The following ANKRD24 variants were observed in gnomAD, a reference collection of about 807,000 sequenced individuals.
ANKRD24 encodes the protein ankyrin repeat domain-containing protein 24.
Under a neutral mutation model 127.8 loss-of-function variants are expected in ANKRD24, and 109 were observed. That is an observed-to-expected ratio of 0.85 (90% CI 0.73 to 1.00). The LOEUF (loss-of-function observed/expected upper bound fraction) is 1.00, where lower values mean the gene tolerates loss of function less well. ANKRD24 is among the 50% of genes least tolerant of loss of function. ANKRD24 has a pLI of 0.00. For synonymous variants in ANKRD24, 743 were observed against 671.1 expected, an observed-to-expected ratio of 1.11 and a Z score of -1.66; for missense variants, 1,648 against 1,570.2, an observed-to-expected ratio of 1.05 and a Z score of -0.84.
At position 4,210,291 on chromosome 19, in the gene ANKRD24, C is replaced by T. The variant is rs562431617; in HGVS notation, c.978C>T (p.Ile326=). ...ATGATCGAGATGCCTATGAGGAGAT[C>T]GTGAGGCTGCGGCAGGAGAGGGGCC... ...MPDDRDAYEE[I]VRLRQERGRL... is the part of the protein sequence containing the mutation. The change falls in exon 13 of 22, where the codon ATC becomes ATT. Residue 326 remains isoleucine, a synonymous_variant. Transcript: ENST00000318934. The T allele has an allele frequency of 5.2e-5, 83 of 1,588,030 alleles. No homozygotes were observed. In the African/African-American group the frequency reaches 6.6e-4, roughly 13 times the overall value.
At chr19:4,210,567 T>G (rs1969666420) in intron 13 of ANKRD24, among the ~76,000 whole-genome samples, 195 bp downstream of exon 13, 1 of 108,370 alleles carries the variant, frequency 9.2e-6, no homozygotes, top group Non-Finnish European at 2.1e-5. Context: ...GCACCACCAG[T>G]GTCCTCTGCC....
chr19:4,196,974 C>T (rs1968781288), intron 2 of ANKRD24, among the ~76,000 whole-genome samples: 1 of 152,140 alleles, frequency 6.6e-6, no homozygotes, highest in African/African-American at 2.4e-5. Context: ...AGAGCTGCGC[C>T]GGGACCAGCT....
chr19:4,216,819 A>G lies in ANKRD24; in HGVS notation c.1659A>G (p.Glu553=). 2.5e-6 allele frequency: 4 copies of G among 1,607,260 alleles called. No individual in the cohort carries two copies. Among genetic ancestry groups the G allele is most frequent in the Non-Finnish European group, 3.4e-6 (4 of 1,177,162 alleles). ...AGCTAAATGGCTCAGTGGCTCCAGAAACCAAAGTTAACGGAGCCGAGACCA... is the reference window on the plus strand; with the variant it reads ...AGCTAAATGGCTCAGTGGCTCCAGAGACCAAAGTTAACGGAGCCGAGACCA... The part of the protein sequence containing the change: ...HMELNGSVAP[E]TKVNGAETID... Residue 553 remains glutamate, a synonymous_variant, in exon 18 of 22, where the codon GAA becomes GAG. Transcript: ENST00000318934.
chr19:4,223,279 G>C (rs1970541765), intron 20 of ANKRD24, among the ~76,000 whole-genome samples: 1 of 150,798 alleles, frequency 6.6e-6, no homozygotes, highest in African/African-American at 2.5e-5. Context: ...TATTAGGCTG[G>C]AGTGCAGTGG....
At chr19:4,185,385 G>A (rs190536145) in intron 1 of ANKRD24, among the ~76,000 whole-genome samples, 108 of 152,172 alleles carry the variant, frequency 7.1e-4, no homozygotes, top group East Asian at 7.7e-4. Context: ...TGGTAAATGC[G>A]TGGAAGGGTG....
intron 2 of ANKRD24, among the ~76,000 whole-genome samples, chr19:4,197,846 TAAAC>T (rs1372833440): frequency 2.6e-5 from 4 of 151,996 alleles, no homozygotes; most frequent in East Asian, 1.9e-4. Context: ...GGTGAGCGAA[TAAAC>T]AAATGAGTGA....
Position 4,212,505 on chromosome 19 carries a change from G to A in ANKRD24, c.1090G>A (p.Glu364Lys). Residue 364 changes from glutamate to lysine, a missense_variant, in exon 14 of 22, where the codon GAG (glutamate) becomes AAG (lysine). By Grantham distance (56) the Glu-to-Lys change is moderately conservative (BLOSUM62 1). Coordinates refer to ENST00000318934, the MANE Select transcript of ANKRD24 (RefSeq NM_001393985.1). ...SPEASSLHILERQVQELQQLL... is the reference protein window; with the variant it reads ...SPEASSLHILKRQVQELQQLL... ...GGAGGCCAGCTCCCTGCACATCCTG[G>A]AGAGACAGGTAGGTGGGAAGGTGGG... 6.4e-7 allele frequency: 1 copy of A among 1,565,546 alleles called. No homozygotes were observed.
In ANKRD24 at chr19:4,216,987, G is replaced by A. The variant is rs1050386032; in HGVS notation, c.1827G>A (p.Met609Ile). The A allele has an allele frequency of 9.9e-6, 16 of 1,613,112 alleles. No homozygotes were observed. The highest frequency in any genetic ancestry group is 1.3e-5 in the African/African-American group (1 of 74,870). ...TKPTGAEVRE[M>I]ETTEEEANME... ...CCACAGGGGCTGAGGTCAGAGAAAT[G>A]GAGACCACAGAAGAAGAAGCAAACA... Residue 609 changes from methionine to isoleucine, a missense_variant, in exon 18 of 22, where the codon ATG (methionine) becomes ATA (isoleucine). Physicochemically the swap from Met to Ile is conservative, Grantham distance 10. Transcript: ENST00000318934.
Position 4,216,016 on chromosome 19 carries a change from G to C in ANKRD24, c.1236G>C (p.Leu412=), listed in dbSNP as rs761633147. The C allele has an allele frequency of 2.5e-6, 4 of 1,601,258 alleles. No homozygotes were observed. In the African/African-American group the frequency reaches 5.4e-5, roughly 21 times the overall value. ...ATACTAGCTATGACGTAACCACCCTGCAGGATGAGGAGGGTGAGCTGCCTG... is the reference window on the plus strand; with the variant it reads ...ATACTAGCTATGACGTAACCACCCTCCAGGATGAGGAGGGTGAGCTGCCTG... The part of the protein sequence containing the change: ...RENTSYDVTT[L]QDEEGELPDL... The change falls in exon 16 of 22, where the codon CTG becomes CTC. Residue 412 remains leucine, a synonymous_variant. Coordinates refer to ENST00000318934, the MANE Select transcript of ANKRD24 (RefSeq NM_001393985.1).
intron 15 of ANKRD24, among the ~76,000 whole-genome samples, chr19:4,213,211 TTCC>T (rs1234316447): frequency 1.3e-5 from 2 of 148,572 alleles, no homozygotes; most frequent in Non-Finnish European, 3.0e-5. Context: ...CCTTCCTTTC[TTCC>T]CCTTCTCCTT....
intron 6 of ANKRD24, 144 bp from the exon 7 acceptor site, chr19:4,202,725 C>T (rs1969161215): frequency 1.2e-6 from 1 of 845,292 alleles, no homozygotes; most frequent in Non-Finnish European, 1.9e-6. Context: ...CTTTTCTCAC[C>T]AATTTTCATG....
rs765718386 is a variant in ANKRD24, at chr19:4,222,808, C to T, written c.3297+13C>T. The T allele has an allele frequency of 1.9e-6, 3 of 1,595,488 alleles. No homozygotes were observed. The highest frequency in any genetic ancestry group is 1.1e-5 in the South Asian group (1 of 89,746). The stretch of plus-strand genomic sequence containing the variant: ...GCAGCAGCTGCAGGTAAGGACTGGG[C>T]CACGCAGGGGCCAGGGGACCATCAG... On this transcript the variant is annotated intron_variant, in intron 20 of 21. Transcript: ENST00000318934.
chr19:4,195,620 G>C lies in ANKRD24; in HGVS notation c.37-4063G>C, dbSNP rs188465441. Among the ~76,000 whole-genome samples the C allele has an allele frequency of 6.6e-6, 1 of 152,116 alleles. No individual in the cohort carries two copies. Among genetic ancestry groups the C allele is most frequent in the Non-Finnish European group, 1.5e-5 (1 of 68,032 alleles). On this transcript the variant is annotated intron_variant, in intron 2 of 21. Transcript: ENST00000318934. The surrounding 1 kb of genome is among the most constrained non-coding windows in gnomAD (Gnocchi z 4.2). Reference sequence around the variant, plus strand: ...TTGTCCAAACATGTCTAAGAGGGCCGGGCGCAGTGGCTCACGCCTGTAATC... The same window carrying C: ...TTGTCCAAACATGTCTAAGAGGGCCCGGCGCAGTGGCTCACGCCTGTAATC...
At chr19:4,186,744 G>A (rs1471472753) in intron 2 of ANKRD24, among the ~76,000 whole-genome samples, 1 of 151,896 alleles carries the variant, frequency 6.6e-6, no homozygotes, top group Non-Finnish European at 1.5e-5. Context: ...CCACCTCCCC[G>A]TCCAATCTCC....
chr19:4,216,687 C>T lies in ANKRD24; in HGVS notation c.1527C>T (p.Ala509=), dbSNP rs766718879. The change falls in exon 18 of 22, where the codon GCC becomes GCT. Residue 509 remains alanine, a synonymous_variant. Coordinates refer to ENST00000318934, the MANE Select transcript of ANKRD24 (RefSeq NM_001393985.1). ...LRRQHAEALQ[A]LRQQETREVP... is the part of the protein sequence containing the mutation. ...GGCAGCACGCTGAGGCCCTGCAGGC[C>T]CTGAGGCAGCAGGAGACACGAGAGG... The T allele has an allele frequency of 5.7e-6, 9 of 1,587,888 alleles. No homozygotes were observed. Among genetic ancestry groups the T allele is most frequent in the Admixed American group, 1.8e-5 (1 of 54,910 alleles).
At chr19:4,186,327 A>G (rs1166155754) in intron 1 of ANKRD24, 63 bp from the exon 2 acceptor site, 2 of 1,542,350 alleles carry the variant, frequency 1.3e-6, no homozygotes, top group East Asian at 4.9e-5. Context: ...GGGCGAGGCA[A>G]CGGACCCTGC....
intron 11 of ANKRD24, among the ~76,000 whole-genome samples, chr19:4,209,459 A>G (rs940609834): frequency 3.1e-5 from 4 of 131,054 alleles, no homozygotes; most frequent in African/African-American, 1.1e-4. Context: ...TGTTTTGTTT[A>G]TTTTTTGAGA....
intron 15 of ANKRD24, among the ~76,000 whole-genome samples, chr19:4,214,428 A>G (rs1243493067): frequency 1.3e-5 from 2 of 152,114 alleles, no homozygotes; most frequent in Admixed American, 6.6e-5. Flanking sequence ...TACAGGTATA[A>G]GCCACCAAGC....
intron 10 of ANKRD24, among the ~76,000 whole-genome samples, 186 bp downstream of exon 10, chr19:4,208,154 G>A (rs1251322251): frequency 2.0e-5 from 3 of 151,958 alleles, no homozygotes; most frequent in East Asian, 2.0e-4. Flanking sequence ...TCTGGGAGGG[G>A]GTCTGCTTCT....
Sources: gnomAD v4.1 joint callset for allele counts (sites outside exome capture counted in the v4.1 genomes callset) on GRCh38, gnomAD v4.1.1 for gene constraint, Gnocchi (gnomAD v3.1) non-coding constraint, MANE v1.5 for transcripts, NCBI Gene and HGNC (gene_info 2026-07-23, HGNC 2026-07-21) for gene names.